CNTNAP2: variants seen among roughly 807,000 people sequenced by gnomAD.
The protein encoded by CNTNAP2 is contactin-associated protein-like 2.
Under a neutral mutation model 155.2 loss-of-function variants are expected in CNTNAP2, and 98 were observed. The observed-to-expected ratio is 0.63, with a 90% CI of 0.54 to 0.75. The LOEUF (loss-of-function observed/expected upper bound fraction) is 0.75, where lower values mean the gene tolerates loss of function less well. CNTNAP2 is among the 30% of genes least tolerant of loss of function. CNTNAP2 has a pLI of 0.00. For synonymous variants in CNTNAP2, 651 were observed against 631.2 expected (o/e 1.03, Z -0.47); for missense variants, 1,727 against 1,688.1 (o/e 1.02, Z -0.40).
chr7:148,202,683 T>C (rs1304112406), intron 18 of CNTNAP2, among the ~76,000 whole-genome samples: 1 of 152,202 alleles, frequency 6.6e-6, no homozygotes, highest in East Asian at 1.9e-4. Flanking sequence ...AGCTGTCTCC[T>C]CACTTGAAAA....
chr7:148,269,760 A>C (rs1796740543), intron 21 of CNTNAP2, among the ~76,000 whole-genome samples: 1 of 152,200 alleles, frequency 6.6e-6, no homozygotes, highest in South Asian at 2.1e-4. Context: ...TGTTTAGTGG[A>C]GTAGGGCCTT....
At chr7:148,248,099 A>T (rs1364379927) in intron 20 of CNTNAP2, among the ~76,000 whole-genome samples, 1 of 152,194 alleles carries the variant, frequency 6.6e-6, no homozygotes, top group Non-Finnish European at 1.5e-5. Context: ...CTAATATCCC[A>T]GAAGGTTCCC....
intron 12 of CNTNAP2, among the ~76,000 whole-genome samples, chr7:147,563,318 G>A (rs1381654959): frequency 6.6e-6 from 1 of 152,054 alleles, no homozygotes; most frequent in East Asian, 1.9e-4. Context: ...AAATTTAAAG[G>A]CTTTAGTAGT....
intron 21 of CNTNAP2, among the ~76,000 whole-genome samples, chr7:148,291,494 C>CAAA (rs1262072161): frequency 6.6e-6 from 1 of 151,936 alleles, no homozygotes; most frequent in Non-Finnish European, 1.5e-5. Flanking sequence ...GAGGCTAGGC[C>CAAA]AAGTCTCCCT....
chr7:146,643,263 G>T (rs1399033491), intron 1 of CNTNAP2, among the ~76,000 whole-genome samples: 1 of 150,620 alleles, frequency 6.6e-6, no homozygotes, highest in Non-Finnish European at 1.5e-5. Context: ...GTAATGCCTA[G>T]GTTTTCTTCT....
chr7:146,697,978 C>A (rs1365218400), intron 1 of CNTNAP2, among the ~76,000 whole-genome samples: 1 of 152,010 alleles, frequency 6.6e-6, no homozygotes, highest in Non-Finnish European at 1.5e-5. Context: ...TTAGAGATTA[C>A]CTTAGCGTTT....
intron 14 of CNTNAP2, among the ~76,000 whole-genome samples, chr7:147,935,688 T>C (rs1468122507): frequency 1.3e-5 from 2 of 152,238 alleles, no homozygotes; most frequent in African/African-American, 2.4e-5. Flanking sequence ...TTTTTAATGC[T>C]CTGCCCCTTT....
intron 21 of CNTNAP2, among the ~76,000 whole-genome samples, chr7:148,312,541 C>T (rs990734285): frequency 1.4e-4 from 21 of 152,006 alleles, no homozygotes; most frequent in African/African-American, 5.1e-4. Flanking sequence ...GTTTGAGATC[C>T]AGAACAGAAT....
chr7:146,956,485 C>G (rs1257968577), intron 3 of CNTNAP2, among the ~76,000 whole-genome samples: 1 of 152,170 alleles, frequency 6.6e-6, no homozygotes, highest in Non-Finnish European at 1.5e-5. Context: ...TGGGTTTCAG[C>G]TGGGCTTACA....
intron 21 of CNTNAP2, among the ~76,000 whole-genome samples, chr7:148,332,725 T>G (rs1798051358): frequency 6.6e-6 from 1 of 152,216 alleles, no homozygotes; most frequent in African/African-American, 2.4e-5. Flanking sequence ...ATCATTCATG[T>G]GATTTAAAAT....
chr7:147,957,272 T>C (rs1801031974), intron 14 of CNTNAP2, among the ~76,000 whole-genome samples: 1 of 152,172 alleles, frequency 6.6e-6, no homozygotes, highest in Non-Finnish European at 1.5e-5. Flanking sequence ...TGAAGTTGTT[T>C]GTTTGTTTGT....
chr7:147,848,536 A>G (rs958275349), intron 13 of CNTNAP2, among the ~76,000 whole-genome samples: 1 of 151,020 alleles, frequency 6.6e-6, no homozygotes, highest in Non-Finnish European at 1.5e-5. Context: ...CTCAGATGGA[A>G]ATGCAGAAAT....
intron 11 of CNTNAP2, among the ~76,000 whole-genome samples, chr7:147,507,035 T>G (rs1584778487): frequency 6.6e-6 from 1 of 152,148 alleles, no homozygotes; most frequent in South Asian, 2.1e-4. Context: ...CAATTTAAAA[T>G]GCATGTGAAG....
chr7:147,849,307 T>G (rs12154883), intron 13 of CNTNAP2, among the ~76,000 whole-genome samples: 6,204 of 152,328 alleles, frequency 0.041, 184 homozygotes, highest in Middle Eastern at 0.061. Flanking sequence ...ACCAACAGAT[T>G]GAGTATTTTC....
chr7:147,585,551 T>C (rs1472319902), intron 12 of CNTNAP2, among the ~76,000 whole-genome samples: 1 of 150,890 alleles, frequency 6.6e-6, no homozygotes, highest in Non-Finnish European at 1.5e-5. Context: ...ATGATATCAA[T>C]ATATGTGTAT....
At chr7:147,303,687 C>T (rs534606905) in intron 9 of CNTNAP2, among the ~76,000 whole-genome samples, 58 of 152,284 alleles carry the variant, frequency 3.8e-4, no homozygotes, top group African/African-American at 1.3e-3. Context: ...CTGTATCTTA[C>T]TTTCTTCATC....
In CNTNAP2 at chr7:148,159,916, T is replaced by A. The variant is rs191255108; in HGVS notation, c.2773+12207T>A. 9.8e-5 allele frequency among the ~76,000 whole-genome samples: 15 copies of A among 152,300 alleles called. No homozygotes were observed. In the East Asian group the frequency reaches 1.5e-3, roughly 16 times the overall value. Reference sequence around the variant, plus strand: ...CTTTGTTCCTTATGACATTTTTTTTTAAATCTCACAGTTTTGTCTCTGCTC... The same window carrying A: ...CTTTGTTCCTTATGACATTTTTTTTAAAATCTCACAGTTTTGTCTCTGCTC... On this transcript the variant is annotated intron_variant, in intron 17 of 23. Coordinates refer to ENST00000361727, the MANE Select transcript of CNTNAP2 (RefSeq NM_014141.6).
At chr7:146,273,825 C>T (rs769128563) in intron 1 of CNTNAP2, among the ~76,000 whole-genome samples, 3 of 152,058 alleles carry the variant, frequency 2.0e-5, no homozygotes, top group Non-Finnish European at 2.9e-5. Context: ...TTTCCTTCTT[C>T]GTAAAACAAG....
chr7:146,815,690 A>G (rs961271120), intron 2 of CNTNAP2, among the ~76,000 whole-genome samples: 13 of 152,132 alleles, frequency 8.5e-5, no homozygotes, highest in Non-Finnish European at 1.9e-4. Context: ...TTACTTTATG[A>G]TATATATTAG....
Sources: allele counts gnomAD v4.1 joint callset (sites outside exome capture counted in the v4.1 genomes callset), GRCh38; gene constraint gnomAD v4.1.1; transcripts MANE v1.5; gene names NCBI Gene and HGNC (gene_info 2026-07-23, HGNC 2026-07-21).